TMUB1: variants seen among roughly 807,000 people sequenced by gnomAD.
TMUB1 encodes the protein transmembrane and ubiquitin like domain containing 1.
A neutral mutation model predicts 16.2 loss-of-function variants in TMUB1; 9 were observed. The ratio of observed to expected loss-of-function variants is 0.55; its 90% CI spans 0.33 to 0.97. The LOEUF is 0.97. TMUB1 is among the 50% of genes least tolerant of loss of function. The pLI is 0.03. For synonymous variants in TMUB1, 155 were observed against 152.2 expected, an observed-to-expected ratio of 1.02 and a Z score of -0.13; for missense variants, 309 against 313.5, an observed-to-expected ratio of 0.99 and a Z score of 0.11.
rs778281348 is a variant in TMUB1, at chr7:151,082,439, T to C, written c.125A>G (p.Gln42Arg). The change falls in exon 2 of 3, where the codon CAG (glutamine) becomes CGG (arginine). Residue 42 changes from glutamine to arginine, a missense_variant. Gln to Arg is a conservative substitution (Grantham distance 43). Coordinates refer to ENST00000297533, the MANE Select transcript of TMUB1 (RefSeq NM_001136044.2). This position sits in a 1 kb window ranked among gnomAD's most constrained non-coding sequence, Gnocchi z 7.0. ...GGATGGCGTTGGGGTCCCTGACGGCTGGGGCAGTGGGTCCCCGCCCTCAGC... is the reference window on the plus strand; with the variant it reads ...GGATGGCGTTGGGGTCCCTGACGGCCGGGGCAGTGGGTCCCCGCCCTCAGC... ...HTAEGGDPLP[Q>R]PSGTPTPSQP... The C allele has an allele frequency of 1.2e-6, 2 of 1,608,648 alleles. No homozygotes were observed. Among genetic ancestry groups the C allele is most frequent in the Non-Finnish European group, 1.7e-6 (2 of 1,177,128 alleles).
Position 151,082,047 on chromosome 7 carries a change from T to C in TMUB1, c.389+128A>G. ...CCGTCTGCCAGGGGAACAAGTACAG[T>C]TGTGATCTGGGGCGCTCAGCGCCTC... On this transcript the variant is annotated intron_variant, in intron 2 of 2. Transcript: ENST00000297533. This position sits in a 1 kb window ranked among gnomAD's most constrained non-coding sequence, Gnocchi z 7.0. 7.1e-7 allele frequency: 1 copy of C among 1,412,524 alleles called. No individual in the cohort carries two copies. Among genetic ancestry groups the C allele is most frequent in the Non-Finnish European group, 9.4e-7 (1 of 1,062,420 alleles). 87.5% of individuals were successfully genotyped at this position (1,412,524 alleles called of 1,614,324 possible). A position where few individuals can be genotyped will look rare whatever the true frequency, so the allele number is the denominator to read the frequency against.
rs1295732460 is a variant in TMUB1, at chr7:151,081,647, TC to T, written c.642del (p.Ile215SerfsTer9). ...LLLLLLLWYC[Q>X]IQYRPFFPLT... ...AGGGGAAAGAAGGGCCGGTACTGGA[TC>T]TGGCAGTACCAGAGCAGCAGCAACA... On this transcript the variant is annotated frameshift_variant, in exon 3 of 3. Transcript: ENST00000297533. LOFTEE classifies it high-confidence loss of function. This position sits in a 1 kb window ranked among gnomAD's most constrained non-coding sequence, Gnocchi z 7.6. 13 of 1,598,890 alleles carry T rather than the reference TC, an allele frequency of 8.1e-6. No individual in the cohort carries two copies. The Admixed American group carries it at 1.4e-4, about 17-fold the overall frequency.
Position 151,081,167 on chromosome 7 carries a change from C to G in TMUB1, c.*382G>C, listed in dbSNP as rs1797972192. 4.8e-6 allele frequency: 1 copy of G among 206,974 alleles called. No individual in the cohort carries two copies. The highest frequency in any genetic ancestry group is 6.0e-5 in the Admixed American group (1 of 16,690). The allele number at this position is 206,974 out of a possible 1,614,324, so 12.8% of individuals were successfully genotyped here. ...CCCGCTCCCCTTCACCAGCCTCCCA[C>G]CGACCTGGCGTCCCCAACTCAGCCC... On this transcript the variant is annotated 3_prime_UTR_variant, in exon 3 of 3. Coordinates refer to ENST00000297533, the MANE Select transcript of TMUB1 (RefSeq NM_001136044.2). The surrounding 1 kb of genome is among the most constrained non-coding windows in gnomAD (Gnocchi z 7.6).
rs1003777174 is a variant in TMUB1, at chr7:151,082,696, C to T, written c.-30-103G>A. ...ACCCCACCGCGACGCTCCCACCGTC[C>T]TCAGCCTCCGTCCCCTCACCCACCC... On this transcript the variant is annotated intron_variant, in intron 1 of 2. Coordinates refer to ENST00000297533, the MANE Select transcript of TMUB1 (RefSeq NM_001136044.2). This position sits in a 1 kb window ranked among gnomAD's most constrained non-coding sequence, Gnocchi z 7.0. The T allele has an allele frequency of 7.0e-5, 69 of 988,248 alleles. 1 individual carries two copies. The highest frequency in any genetic ancestry group is 8.0e-5 in the Non-Finnish European group (60 of 746,312). 61.2% of individuals were successfully genotyped at this position (988,248 alleles called of 1,614,324 possible).
chr7:151,081,839 C>G lies in TMUB1; in HGVS notation c.451G>C (p.Asp151His). The G allele has an allele frequency of 6.5e-7, 1 of 1,527,984 alleles. No individual in the cohort carries two copies. The highest frequency in any genetic ancestry group is 2.3e-5 in the East Asian group (1 of 43,186). 94.7% of individuals were successfully genotyped at this position (1,527,984 alleles called of 1,614,324 possible). A position where few individuals can be genotyped will look rare whatever the true frequency, so the allele number is the denominator to read the frequency against. ...RLIYQGQLLG[D>H]DTQTLGSLHL... ...AGGCTGCCCAGGGTCTGGGTGTCGT[C>G]GCCTAGCAGCTGCCCTTGGTAGATG... The change falls in exon 3 of 3, where the codon GAC (aspartate) becomes CAC (histidine). Residue 151 changes from aspartate to histidine, a missense_variant. Asp to His is a moderately conservative substitution (Grantham distance 81). Coordinates refer to ENST00000297533, the MANE Select transcript of TMUB1 (RefSeq NM_001136044.2). This position sits in a 1 kb window ranked among gnomAD's most constrained non-coding sequence, Gnocchi z 7.6.
In TMUB1 at chr7:151,082,910, A is replaced by C; in HGVS notation, c.-30-317T>G. The stretch of plus-strand genomic sequence containing the variant: ...CCTCTCCTAAACTTCACCCCAACCA[A>C]ACTTCACCCCCAAGCGTATCTATTC... On this transcript the variant is annotated intron_variant, in intron 1 of 2. Coordinates refer to ENST00000297533, the MANE Select transcript of TMUB1 (RefSeq NM_001136044.2). This position sits in a 1 kb window ranked among gnomAD's most constrained non-coding sequence, Gnocchi z 7.0. The C allele has an allele frequency of 4.1e-6, 1 of 242,828 alleles. No individual in the cohort carries two copies. The highest frequency in any genetic ancestry group is 7.9e-6 in the Non-Finnish European group (1 of 126,968). 15.0% of individuals were successfully genotyped at this position (242,828 alleles called of 1,614,324 possible). A position where few individuals can be genotyped will look rare whatever the true frequency, so the allele number is the denominator to read the frequency against.
chr7:151,082,304 G>A lies in TMUB1; in HGVS notation c.260C>T (p.Thr87Met). 3.8e-6 allele frequency: 6 copies of A among 1,599,242 alleles called. No homozygotes were observed. The highest frequency in any genetic ancestry group is 1.7e-5 in the Admixed American group (1 of 58,218). ...GGCTGGCGGTGTTGCTGTGAACCCC[G>A]TGCTGGGCTCTGGCTGTGCAGCTTG... Reference protein sequence around the residue: ...RGQAAQPEPSTGFTATPPAPD... With the variant: ...RGQAAQPEPSMGFTATPPAPD... The change falls in exon 2 of 3, where the codon ACG (threonine) becomes ATG (methionine). Residue 87 changes from threonine (T) to methionine (M), a missense_variant. Physicochemically the swap from Thr to Met is moderately conservative, Grantham distance 81. Coordinates refer to ENST00000297533, the MANE Select transcript of TMUB1 (RefSeq NM_001136044.2). This position sits in a 1 kb window ranked among gnomAD's most constrained non-coding sequence, Gnocchi z 7.0.
Position 151,082,822 on chromosome 7 carries a change from C to T in TMUB1, c.-30-229G>A, listed in dbSNP as rs911302226. ...GTCCTAACTTTCTGTCATCTGAGCT[C>T]GAGGTCTTCAACCAGCTCCCAACTC... On this transcript the variant is annotated intron_variant, in intron 1 of 2. Transcript: ENST00000297533. The surrounding 1 kb of genome is among the most constrained non-coding windows in gnomAD (Gnocchi z 7.0). 5.2e-6 allele frequency: 2 copies of T among 384,206 alleles called. No homozygotes were observed. The highest frequency in any genetic ancestry group is 4.6e-6 in the Non-Finnish European group (1 of 216,452). 23.8% of individuals were successfully genotyped at this position (384,206 alleles called of 1,614,324 possible).
rs189795429 is a variant in TMUB1, at chr7:151,082,902, C to T, written c.-30-309G>A. ...AAGCAACGCCTCTCCTAAACTTCAC[C>T]CCAACCAAACTTCACCCCCAAGCGT... On this transcript the variant is annotated intron_variant, in intron 1 of 2. Coordinates refer to ENST00000297533, the MANE Select transcript of TMUB1 (RefSeq NM_001136044.2). This position sits in a 1 kb window ranked among gnomAD's most constrained non-coding sequence, Gnocchi z 7.0. 436 of 267,436 alleles carry T rather than the reference C, an allele frequency of 1.6e-3. 1 individual carries two copies. The highest frequency in any genetic ancestry group is 8.9e-3 in the African/African-American group (404 of 45,594). 16.6% of individuals were successfully genotyped at this position (267,436 alleles called of 1,614,324 possible).
Position 151,081,199 on chromosome 7 carries a change from C to T in TMUB1, c.*350G>A, listed in dbSNP as rs116089731. The T allele has an allele frequency of 4.0e-3, 825 of 205,880 alleles. 7 individuals carry two copies. The highest frequency in any genetic ancestry group is 0.018 in the African/African-American group (766 of 43,520). 12.8% of individuals were successfully genotyped at this position (205,880 alleles called of 1,614,324 possible). A position where few individuals can be genotyped will look rare whatever the true frequency, so the allele number is the denominator to read the frequency against. ...GGCGTCCCCAACTCAGCCCAAGGAGCTGTCAGGGATTGGAGGCGGCTGGGT... is the reference window on the plus strand; with the variant it reads ...GGCGTCCCCAACTCAGCCCAAGGAGTTGTCAGGGATTGGAGGCGGCTGGGT... On this transcript the variant is annotated 3_prime_UTR_variant, in exon 3 of 3. Transcript: ENST00000297533. The surrounding 1 kb of genome is among the most constrained non-coding windows in gnomAD (Gnocchi z 7.6).
chr7:151,081,508 T>C lies in TMUB1; in HGVS notation c.*41A>G, dbSNP rs532085985. 1.4e-5 allele frequency: 21 copies of C among 1,496,448 alleles called. No homozygotes were observed. The South Asian group carries it at 2.5e-4, about 18-fold the overall frequency. 92.7% of individuals were successfully genotyped at this position (1,496,448 alleles called of 1,614,324 possible). A position where few individuals can be genotyped will look rare whatever the true frequency, so the allele number is the denominator to read the frequency against. ...TCCCGCCGCGGCGCGGGGAGCAAGG[T>C]CCGGAGGGGCCGGCGACGCTGCCAA... On this transcript the variant is annotated 3_prime_UTR_variant, in exon 3 of 3. Transcript: ENST00000297533. This position sits in a 1 kb window ranked among gnomAD's most constrained non-coding sequence, Gnocchi z 7.6.
At position 151,083,316 on chromosome 7, in the gene TMUB1, C is replaced by T. The variant is rs570737755; in HGVS notation, c.-31+118G>A. 1 of 151,844 alleles carries T rather than the reference C, an allele frequency of 6.6e-6. No individual in the cohort carries two copies. Among genetic ancestry groups the T allele is most frequent in the African/African-American group, 2.4e-5 (1 of 41,326 alleles). The allele number at this position is 151,844 out of a possible 1,614,324, so 9.4% of individuals were successfully genotyped here. On this transcript the variant is annotated intron_variant, in intron 1 of 2. Coordinates refer to ENST00000297533, the MANE Select transcript of TMUB1 (RefSeq NM_001136044.2). The surrounding 1 kb of genome is among the most constrained non-coding windows in gnomAD (Gnocchi z 5.9). Reference sequence around the variant, plus strand: ...TCCGAGACTTCACGTTCCCCACCCCCACCTCTCATCACCCCTCCCACCTTC... The same window carrying T: ...TCCGAGACTTCACGTTCCCCACCCCTACCTCTCATCACCCCTCCCACCTTC...
Position 151,081,357 on chromosome 7 carries a change from G to T in TMUB1, c.*192C>A. On this transcript the variant is annotated 3_prime_UTR_variant, in exon 3 of 3. Coordinates refer to ENST00000297533, the MANE Select transcript of TMUB1 (RefSeq NM_001136044.2). This position sits in a 1 kb window ranked among gnomAD's most constrained non-coding sequence, Gnocchi z 7.6. Reference sequence around the variant, plus strand: ...TGAGGGTCAGCAGCCCCGGGAGGTGGCCCCGAGCCCCGGCGGTCGCAGGGC... The same window carrying T: ...TGAGGGTCAGCAGCCCCGGGAGGTGTCCCCGAGCCCCGGCGGTCGCAGGGC... The T allele has an allele frequency of 9.5e-7, 1 of 1,052,820 alleles. No homozygotes were observed. The highest frequency in any genetic ancestry group is 1.2e-6 in the Non-Finnish European group (1 of 834,992). The allele number at this position is 1,052,820 out of a possible 1,614,324, so 65.2% of individuals were successfully genotyped here.
Position 151,083,319 on chromosome 7 carries a change from C to T in TMUB1, c.-31+115G>A, listed in dbSNP as rs1166930818. ...GAGACTTCACGTTCCCCACCCCCACCTCTCATCACCCCTCCCACCTTCCCG... is the reference window on the plus strand; with the variant it reads ...GAGACTTCACGTTCCCCACCCCCACTTCTCATCACCCCTCCCACCTTCCCG... On this transcript the variant is annotated intron_variant, in intron 1 of 2. Coordinates refer to ENST00000297533, the MANE Select transcript of TMUB1 (RefSeq NM_001136044.2). The surrounding 1 kb of genome is among the most constrained non-coding windows in gnomAD (Gnocchi z 5.9). The T allele has an allele frequency of 6.6e-6, 1 of 151,852 alleles. No homozygotes were observed. Among genetic ancestry groups the T allele is most frequent in the Non-Finnish European group, 1.5e-5 (1 of 67,884 alleles). 9.4% of individuals were successfully genotyped at this position (151,852 alleles called of 1,614,324 possible).
chr7:151,081,982 C>T lies in TMUB1; in HGVS notation c.390-82G>A, dbSNP rs116020092. 3,985 of 1,417,260 alleles carry T rather than the reference C, an allele frequency of 2.8e-3. 78 individuals are homozygous for T. The African/African-American group carries it at 0.047, about 17-fold the overall frequency. The allele number at this position is 1,417,260 out of a possible 1,614,324, so 87.8% of individuals were successfully genotyped here. The stretch of plus-strand genomic sequence containing the variant: ...CCCCGGAACAGCACTCCCACCCTCC[C>T]CCTGCCCTCCACAACACACCGGCCC... On this transcript the variant is annotated intron_variant, in intron 2 of 2. Coordinates refer to ENST00000297533, the MANE Select transcript of TMUB1 (RefSeq NM_001136044.2). The surrounding 1 kb of genome is among the most constrained non-coding windows in gnomAD (Gnocchi z 7.6).
chr7:151,081,931 A>G lies in TMUB1; in HGVS notation c.390-31T>C. ...GAGAGAGGGACCTGGGTAAGAGAGC[A>G]GGCCTCAGGCAATCCTAGTCCCTGG... is the stretch of plus-strand genomic sequence containing the variant. On this transcript the variant is annotated intron_variant, in intron 2 of 2. Coordinates refer to ENST00000297533, the MANE Select transcript of TMUB1 (RefSeq NM_001136044.2). The surrounding 1 kb of genome is among the most constrained non-coding windows in gnomAD (Gnocchi z 7.6). 1 of 1,457,446 alleles carries G rather than the reference A, an allele frequency of 6.9e-7. No individual in the cohort carries two copies. Among genetic ancestry groups the G allele is most frequent in the Non-Finnish European group, 9.0e-7 (1 of 1,106,982 alleles). 90.3% of individuals were successfully genotyped at this position (1,457,446 alleles called of 1,614,324 possible).
chr7:151,081,493 G>C lies in TMUB1; in HGVS notation c.*56C>G. ...TGGGCAGGCAGCAGCTCCCGCCGCGGCGCGGGGAGCAAGGTCCGGAGGGGC... is the reference window on the plus strand; with the variant it reads ...TGGGCAGGCAGCAGCTCCCGCCGCGCCGCGGGGAGCAAGGTCCGGAGGGGC... On this transcript the variant is annotated 3_prime_UTR_variant, in exon 3 of 3. Transcript: ENST00000297533. The surrounding 1 kb of genome is among the most constrained non-coding windows in gnomAD (Gnocchi z 7.6). The C allele has an allele frequency of 1.4e-6, 2 of 1,441,232 alleles. No individual in the cohort carries two copies. The highest frequency in any genetic ancestry group is 2.9e-5 in the African/African-American group (2 of 68,200). 89.3% of individuals were successfully genotyped at this position (1,441,232 alleles called of 1,614,324 possible).
Position 151,081,309 on chromosome 7 carries a change from A to T in TMUB1, c.*240T>A. 1 of 573,312 alleles carries T rather than the reference A, an allele frequency of 1.7e-6. No homozygotes were observed. Among genetic ancestry groups the T allele is most frequent in the East Asian group, 5.3e-5 (1 of 18,748 alleles). 35.5% of individuals were successfully genotyped at this position (573,312 alleles called of 1,614,324 possible). ...CAGCGACAGCAGATGCCCGACCCCGAGGAGCCCACTCCCAGTGCGGGCTGA... is the reference window on the plus strand; with the variant it reads ...CAGCGACAGCAGATGCCCGACCCCGTGGAGCCCACTCCCAGTGCGGGCTGA... On this transcript the variant is annotated 3_prime_UTR_variant, in exon 3 of 3. Coordinates refer to ENST00000297533, the MANE Select transcript of TMUB1 (RefSeq NM_001136044.2). The surrounding 1 kb of genome is among the most constrained non-coding windows in gnomAD (Gnocchi z 7.6).
Position 151,082,270 on chromosome 7 carries a change from G to T in TMUB1, c.294C>A (p.Ser98=). Residue 98 remains serine (S), a synonymous_variant, in exon 2 of 3, where the codon TCC becomes TCA. Coordinates refer to ENST00000297533, the MANE Select transcript of TMUB1 (RefSeq NM_001136044.2). The surrounding 1 kb of genome is among the most constrained non-coding windows in gnomAD (Gnocchi z 7.0). ...GCCGTAGCACGAGGGGCTCCTGCGG[G>T]GAGTCCGGGGCTGGCGGTGTTGCTG... ...GFTATPPAPD[S]PQEPLVLRLK... 1 of 1,582,746 alleles carries T rather than the reference G, an allele frequency of 6.3e-7. No individual in the cohort carries two copies. Among genetic ancestry groups the T allele is most frequent in the Non-Finnish European group, 8.6e-7 (1 of 1,163,260 alleles).
Sources: allele counts gnomAD v4.1 joint callset, GRCh38; gene constraint gnomAD v4.1.1; non-coding constraint Gnocchi (gnomAD v3.1); transcripts MANE v1.5; gene names NCBI Gene and HGNC (gene_info 2026-07-23, HGNC 2026-07-21).